CDH13: variants seen among roughly 807,000 people sequenced by gnomAD.
The protein encoded by CDH13 is cadherin-13.
Under a neutral mutation model 63.8 loss-of-function variants are expected in CDH13, and 24 were observed. That is an observed-to-expected ratio of 0.38 (90% CI 0.27 to 0.53). The LOEUF is 0.53. CDH13 is among the 20% of genes least tolerant of loss of function. CDH13 has a pLI of 0.85. For missense variants in CDH13, 1,049 were observed against 903.1 expected (o/e 1.16, Z -2.07); for synonymous variants, 503 against 355.3 (o/e 1.42, Z -4.67).
At chr16:83,321,552 G>A (rs1311857731) in intron 5 of CDH13, among the ~76,000 whole-genome samples, 3 of 106,896 alleles carry the variant, frequency 2.8e-5, no homozygotes, top group Non-Finnish European at 5.2e-5. Context: ...TTTTTGAGAC[G>A]GAGTCTCACT....
chr16:83,762,350 G>C (rs899747436), intron 11 of CDH13, among the ~76,000 whole-genome samples: 1 of 151,946 alleles, frequency 6.6e-6, no homozygotes, highest in African/African-American at 2.4e-5. Flanking sequence ...AGACTTCAAT[G>C]AACACAGAAT....
chr16:83,001,838 G>A (rs1180875295), intron 2 of CDH13, among the ~76,000 whole-genome samples: 1 of 152,194 alleles, frequency 6.6e-6, no homozygotes, highest in Non-Finnish European at 1.5e-5. Flanking sequence ...CTGCTGGGGA[G>A]CTATGGGAAG....
chr16:83,748,184 C>A lies in CDH13; in HGVS notation c.1615C>A (p.Leu539Met). Residue 539 changes from leucine to methionine, a missense_variant, in exon 11 of 14, where the codon CTG becomes ATG. Coordinates refer to ENST00000567109, the MANE Select transcript of CDH13 (RefSeq NM_001257.5). ...INGTVDTTAV[L>M]DRESPFVDNS... The stretch of plus-strand genomic sequence containing the variant: ...TGGGACTGTTGACACCACAGCTGTG[C>A]TGGACCGTGAGTCCCCATTTGTCGA... 6.2e-7 allele frequency: 1 copy of A among 1,613,868 alleles called. No homozygotes were observed. The highest frequency in any genetic ancestry group is 1.1e-5 in the South Asian group (1 of 91,078).
chr16:83,373,572 A>G (rs781582194), intron 6 of CDH13, among the ~76,000 whole-genome samples: 9 of 152,166 alleles, frequency 5.9e-5, no homozygotes, highest in Admixed American at 1.3e-4. Flanking sequence ...AAAGGGCTGG[A>G]AAGGCCACCA....
At chr16:83,689,497 C>T (rs1326579965) in intron 10 of CDH13, among the ~76,000 whole-genome samples, 4 of 152,126 alleles carry the variant, frequency 2.6e-5, no homozygotes, top group African/African-American at 7.2e-5. Flanking sequence ...AACCCTAACA[C>T]GGGTAATGAA....
intron 1 of CDH13, among the ~76,000 whole-genome samples, chr16:82,742,784 A>G (rs13331373): frequency 0.067 from 10,261 of 152,250 alleles, 1,148 homozygotes; most frequent in African/African-American, 0.23. Flanking sequence ...CAAATGCCAT[A>G]TTTTAAAATA....
At chr16:82,891,078 G>A (rs980966234) in intron 2 of CDH13, among the ~76,000 whole-genome samples, 1 of 149,154 alleles carries the variant, frequency 6.7e-6, no homozygotes, top group African/African-American at 2.5e-5. Flanking sequence ...GGTCGTGATG[G>A]TGTTATTCAA....
At chr16:82,736,518 C>G (rs966288953) in intron 1 of CDH13, among the ~76,000 whole-genome samples, 1 of 152,156 alleles carries the variant, frequency 6.6e-6, no homozygotes, top group Non-Finnish European at 1.5e-5. Flanking sequence ...CTGCCACACA[C>G]AGACATAAGA....
At chr16:82,894,082 C>G (rs1011920881) in intron 2 of CDH13, among the ~76,000 whole-genome samples, 1 of 152,178 alleles carries the variant, frequency 6.6e-6, no homozygotes, top group Non-Finnish European at 1.5e-5. Flanking sequence ...TAGGAAGTAG[C>G]TCAATCCGTT....
chr16:83,679,308 C>T (rs912579196), intron 10 of CDH13, among the ~76,000 whole-genome samples: 1 of 152,326 alleles, frequency 6.6e-6, no homozygotes, highest in East Asian at 1.9e-4. Context: ...ACGCCTGTCT[C>T]TGCAGAAGAA....
intron 1 of CDH13, among the ~76,000 whole-genome samples, chr16:82,838,339 C>G (rs2038859650): frequency 1.3e-5 from 2 of 152,156 alleles, no homozygotes; most frequent in Admixed American, 6.5e-5. Flanking sequence ...TGTGTTATCA[C>G]TAGTGTCCAC....
chr16:82,793,047 A>T (rs943383063), intron 1 of CDH13, among the ~76,000 whole-genome samples: 4 of 152,228 alleles, frequency 2.6e-5, no homozygotes, highest in African/African-American at 9.6e-5. Context: ...TCTGCCCCTG[A>T]TGGAGTTATT....
intron 6 of CDH13, among the ~76,000 whole-genome samples, chr16:83,475,767 T>C (rs2073587450): frequency 6.6e-6 from 1 of 152,120 alleles, no homozygotes; most frequent in African/African-American, 2.4e-5. Flanking sequence ...GCATTTTTAG[T>C]AGAGAAAGGG....
At chr16:83,196,318 A>C (rs1458830703) in intron 4 of CDH13, among the ~76,000 whole-genome samples, 1 of 152,212 alleles carries the variant, frequency 6.6e-6, no homozygotes, top group Non-Finnish European at 1.5e-5. Flanking sequence ...ATATAAATGT[A>C]AAACACTATG....
intron 2 of CDH13, among the ~76,000 whole-genome samples, chr16:82,918,769 G>C (rs918843631): frequency 2.6e-5 from 4 of 151,792 alleles, no homozygotes; most frequent in Admixed American, 2.6e-4. Context: ...TCAACCCCCC[G>C]ACAAAATGCT....
intron 2 of CDH13, among the ~76,000 whole-genome samples, chr16:82,871,010 T>G (rs2040325150): frequency 6.6e-6 from 1 of 152,216 alleles, no homozygotes; most frequent in Admixed American, 6.5e-5. Flanking sequence ...TCACTATTAC[T>G]CCTAAGACTG....
rs1001736055 is a variant in CDH13, at chr16:82,796,841, A to T, written c.46-61521A>T. ...AGCTTGGAGCAGCAGCTCTTTACGT[A>T]GGGCCACAGTGTATTTCAGTGTTTC... is the stretch of plus-strand genomic sequence containing the variant. On this transcript the variant is annotated intron_variant, in intron 1 of 13. Coordinates refer to ENST00000567109, the MANE Select transcript of CDH13 (RefSeq NM_001257.5). 3.9e-5 allele frequency among the ~76,000 whole-genome samples: 6 copies of T among 152,334 alleles called. No individual in the cohort carries two copies. In the East Asian group the frequency reaches 1.2e-3, roughly 29 times the overall value.
At chr16:82,894,930 G>T (rs1482363107) in intron 2 of CDH13, among the ~76,000 whole-genome samples, 1 of 152,166 alleles carries the variant, frequency 6.6e-6, no homozygotes, top group African/African-American at 2.4e-5. Context: ...GAGCAAGGTG[G>T]CGGATGGGAA....
chr16:82,787,458 A>G lies in CDH13; in HGVS notation c.46-70904A>G, dbSNP rs78930604. Among the ~76,000 whole-genome samples, 721 of 152,352 alleles carry G rather than the reference A, an allele frequency of 4.7e-3. 2 individuals are homozygous for G. The highest frequency in any genetic ancestry group is 0.017 in the African/African-American group (700 of 41,572). On this transcript the variant is annotated intron_variant, in intron 1 of 13. Transcript: ENST00000567109. The stretch of plus-strand genomic sequence containing the variant: ...GCAGATGTCGGTGGACTGATACCAG[A>G]TAGTAGAGAAATTCTGAGTGTTTAC...
Sources: gnomAD v4.1 joint callset for allele counts (sites outside exome capture counted in the v4.1 genomes callset) on GRCh38, gnomAD v4.1.1 for gene constraint, MANE v1.5 for transcripts, NCBI Gene and HGNC (gene_info 2026-07-23, HGNC 2026-07-21) for gene names.